MDGA2: variants seen among roughly 807,000 people sequenced by gnomAD.
The protein encoded by MDGA2 is MAM domain containing glycosylphosphatidylinositol anchor 2, also known as MAM domain-containing glycosylphosphatidylinositol anchor protein 2.
Under a neutral mutation model 117.8 loss-of-function variants are expected in MDGA2, and 40 were observed. The observed-to-expected ratio is 0.34, with a 90% CI of 0.26 to 0.44. The LOEUF (loss-of-function observed/expected upper bound fraction) is 0.44. MDGA2 is among the 20% of genes least tolerant of loss of function. The probability of loss-of-function intolerance (pLI) is 1.00; values close to 1 mark genes in which losing one functional copy is unlikely to be tolerated. For synonymous variants in MDGA2, 452 were observed against 439.0 expected (o/e 1.03, Z -0.37); for missense variants, 1,123 against 1,250.6 (o/e 0.90, Z 1.54).
intron 3 of MDGA2, among the ~76,000 whole-genome samples, chr14:47,149,353 C>T (rs1305714636): frequency 4.0e-5 from 6 of 151,874 alleles, no homozygotes; most frequent in Admixed American, 3.9e-4. Flanking sequence ...TAAGAACTAC[C>T]TCCTAGCCTC....
At position 46,964,919 on chromosome 14, in the gene MDGA2, C is replaced by CTT. The variant is rs746778179; in HGVS notation, c.1820-7278_1820-7277dup. Among the ~76,000 whole-genome samples, 274 of 89,756 alleles carry CTT rather than the reference C, an allele frequency of 3.1e-3. 4 individuals carry two copies. Among genetic ancestry groups the CTT allele is most frequent in the Non-Finnish European group, 4.0e-3 (200 of 50,202 alleles). The allele number at this position is 89,756 out of a possible 152,430, so 58.9% of individuals were successfully genotyped here. A position where few individuals can be genotyped will look rare whatever the true frequency, so the allele number is the denominator to read the frequency against. ...GAAAATATCCCCAAATATATATTTACTTTTTTTTTTTTTTTTTTTTTTGAG... is the reference window on the plus strand; with the variant it reads ...GAAAATATCCCCAAATATATATTTACTTTTTTTTTTTTTTTTTTTTTTTTGAG... On this transcript the variant is annotated intron_variant, in intron 8 of 16. Transcript: ENST00000399232.
chr14:47,480,832 C>A (rs768782439), intron 1 of MDGA2, among the ~76,000 whole-genome samples: 1 of 151,830 alleles, frequency 6.6e-6, no homozygotes, highest in South Asian at 2.1e-4. Flanking sequence ...AATAGGACAA[C>A]GTGCTATTGT....
intron 8 of MDGA2, chr14:46,997,101 A>T (rs1174580518): frequency 5.6e-6 from 1 of 178,244 alleles, no homozygotes; most frequent in East Asian, 1.6e-4. Flanking sequence ...GCCTCAATAA[A>T]GGAAGCTGTG....
chr14:47,608,355 T>C (rs1326440678), intron 1 of MDGA2, among the ~76,000 whole-genome samples: 2 of 152,162 alleles, frequency 1.3e-5, no homozygotes, highest in Non-Finnish European at 2.9e-5. Context: ...AGGCAACTTA[T>C]ATGTCAACTT....
intron 14 of MDGA2, chr14:46,871,717 T>C (rs1882006146): frequency 6.3e-6 from 1 of 159,328 alleles, no homozygotes. Flanking sequence ...ATAAGAGTTA[T>C]TATTCTCATT....
At position 47,134,249 on chromosome 14, in the gene MDGA2, A is replaced by G. The variant is rs1458498271; in HGVS notation, c.793-2403T>C. ...ATTCTGGGCACGTGACACAGGGCTT[A>G]GCAGAGAGGAGACAATTTTTAAGTT... On this transcript the variant is annotated intron_variant, in intron 4 of 16. Coordinates refer to ENST00000399232, the MANE Select transcript of MDGA2 (RefSeq NM_001113498.3). 2.6e-5 allele frequency among the ~76,000 whole-genome samples: 4 copies of G among 152,090 alleles called. No individual in the cohort carries two copies. The East Asian group carries it at 7.7e-4, about 29-fold the overall frequency.
intron 1 of MDGA2, among the ~76,000 whole-genome samples, chr14:47,367,752 T>TC (rs1396998624): frequency 6.6e-6 from 1 of 152,226 alleles, no homozygotes; most frequent in Non-Finnish European, 1.5e-5. Context: ...AATTCAGTTT[T>TC]CTCTGCTTTC....
At chr14:46,942,480 T>C (rs118084797) in intron 9 of MDGA2, among the ~76,000 whole-genome samples, 2,162 of 152,198 alleles carry the variant, frequency 0.014, 16 homozygotes, top group Non-Finnish European at 0.022. Context: ...GAAAAATATA[T>C]ATTGCTATGT....
chr14:47,371,047 C>T (rs191052036), intron 1 of MDGA2, among the ~76,000 whole-genome samples: 168 of 151,562 alleles, frequency 1.1e-3, no homozygotes, highest in Non-Finnish European at 6.4e-4. Context: ...ACTAATAAAA[C>T]GAGGTGAAAA....
chr14:47,403,977 G>A (rs1892208345), intron 1 of MDGA2, among the ~76,000 whole-genome samples: 1 of 152,078 alleles, frequency 6.6e-6, no homozygotes, highest in Admixed American at 6.5e-5. Context: ...CCATACAGCT[G>A]CACAATTGTC....
intron 2 of MDGA2, among the ~76,000 whole-genome samples, chr14:47,284,109 G>A (rs1270063325): frequency 6.6e-6 from 1 of 152,038 alleles, no homozygotes; most frequent in Non-Finnish European, 1.5e-5. Flanking sequence ...AACAAATAAG[G>A]TAAAATAAAA....
intron 5 of MDGA2, among the ~76,000 whole-genome samples, chr14:47,122,508 A>C (rs1881704424): frequency 6.6e-6 from 1 of 152,116 alleles, no homozygotes; most frequent in South Asian, 2.1e-4. Context: ...ATTTTGACAT[A>C]ATCTATCCTA....
At chr14:47,010,914 T>C (rs1336530943) in intron 8 of MDGA2, among the ~76,000 whole-genome samples, 1 of 152,084 alleles carries the variant, frequency 6.6e-6, no homozygotes, top group Non-Finnish European at 1.5e-5. Context: ...CATGGACAGA[T>C]GGACATGAAT....
chr14:46,970,071 C>A (rs1352877516), intron 8 of MDGA2, among the ~76,000 whole-genome samples: 1 of 150,886 alleles, frequency 6.6e-6, no homozygotes, highest in Non-Finnish European at 1.5e-5. Context: ...ATTGGAAAGA[C>A]ATTCCATTTT....
intron 1 of MDGA2, among the ~76,000 whole-genome samples, chr14:47,516,084 G>A (rs1894745252): frequency 6.6e-6 from 1 of 152,094 alleles, no homozygotes; most frequent in Admixed American, 6.6e-5. Flanking sequence ...CATTTTCTTA[G>A]GCACAAAGTC....
intron 10 of MDGA2, among the ~76,000 whole-genome samples, chr14:46,897,650 AG>A (rs1364274221): frequency 2.0e-4 from 5 of 25,462 alleles, no homozygotes; most frequent in African/African-American, 3.9e-4. Flanking sequence ...GATGTTTAAC[AG>A]TAAGTAAGAA....
intron 6 of MDGA2, among the ~76,000 whole-genome samples, chr14:47,078,469 A>G (rs554555785): frequency 6.6e-6 from 1 of 152,250 alleles, no homozygotes; most frequent in South Asian, 2.1e-4. Flanking sequence ...ATCTCTCACA[A>G]ACTCATTAGA....
At chr14:46,889,099 A>C (rs1882776684) in intron 10 of MDGA2, among the ~76,000 whole-genome samples, 1 of 151,984 alleles carries the variant, frequency 6.6e-6, no homozygotes, top group South Asian at 2.1e-4. Flanking sequence ...AAGATGCACT[A>C]TTGTTTTAAT....
intron 7 of MDGA2, among the ~76,000 whole-genome samples, chr14:47,056,204 A>G (rs1449168654): frequency 1.3e-5 from 2 of 152,124 alleles, no homozygotes; most frequent in Non-Finnish European, 2.9e-5. Context: ...AATCTAATTA[A>G]TTGGACTTAG....
Sources: gnomAD v4.1 joint callset for allele counts (sites outside exome capture counted in the v4.1 genomes callset) on GRCh38, gnomAD v4.1.1 for gene constraint, MANE v1.5 for transcripts, NCBI Gene and HGNC (gene_info 2026-07-23, HGNC 2026-07-21) for gene names.